The following ADGRG7 variants were observed in gnomAD, a reference collection of about 807,000 sequenced individuals.
ADGRG7 encodes the protein G-protein coupled receptor 128.
ADGRG7 carries 82 observed loss-of-function variants against 88.6 expected under a neutral mutation model. The observed-to-expected ratio is 0.93, with a 90% CI of 0.77 to 1.11. ADGRG7 has a LOEUF of 1.11. ADGRG7 is among the 50% of genes most tolerant of loss of function. The pLI, the probability that ADGRG7 is intolerant of heterozygous loss-of-function variation, is 0.00. For missense variants in ADGRG7, 945 were observed against 953.4 expected (o/e 0.99, Z 0.12); for synonymous variants, 381 against 345.2 (o/e 1.10, Z -1.15).
chr3:100,686,280 T>A (rs1418642603), intron 15 of ADGRG7, among the ~76,000 whole-genome samples: 2 of 152,222 alleles, frequency 1.3e-5, no homozygotes, highest in African/African-American at 4.8e-5. Context: ...TATTAGCCCT[T>A]TGTCAGATGA....
chr3:100,627,073 C>T (rs1436320473), intron 1 of ADGRG7, among the ~76,000 whole-genome samples: 2 of 152,042 alleles, frequency 1.3e-5, no homozygotes, highest in Non-Finnish European at 1.5e-5. Context: ...CTTTTTCCTG[C>T]GTATTGCACT....
chr3:100,646,711 T>C lies in ADGRG7; in HGVS notation c.1253T>C (p.Phe418Ser). Residue 418 changes from phenylalanine (F) to serine (S), a missense_variant, in exon 10 of 16, where the codon TTT becomes TCT. Coordinates refer to ENST00000273352, the MANE Select transcript of ADGRG7 (RefSeq NM_032787.3). ...TGCCGCTGCAACCATACTACTAATT[T>C]TGCTGTATTAATGGTAAGGATATAC... is the stretch of plus-strand genomic sequence containing the variant. ...LRCRCNHTTNFAVLMTFKKDY... is the reference protein window; with the variant it reads ...LRCRCNHTTNSAVLMTFKKDY... The C allele has an allele frequency of 6.2e-7, 1 of 1,614,068 alleles. No individual in the cohort carries two copies. Among genetic ancestry groups the C allele is most frequent in the Non-Finnish European group, 8.5e-7 (1 of 1,179,972 alleles).
chr3:100,688,555 C>T (rs2094987321), intron 15 of ADGRG7, among the ~76,000 whole-genome samples: 1 of 152,104 alleles, frequency 6.6e-6, no homozygotes, highest in African/African-American at 2.4e-5. Context: ...TGAATGTGTC[C>T]CAGAGATTCT....
At chr3:100,691,716 T>TTTTTTTTTTTTTTTTTTTTTTTGAGAC (rs1553697184) in intron 15 of ADGRG7, among the ~76,000 whole-genome samples, 33 of 149,922 alleles carry the variant, frequency 2.2e-4, no homozygotes, top group Middle Eastern at 3.2e-3. Context: ...TTTATTCTTT[T>TTTTTTTTTTTTTTTTTTTTTTTGAGAC]GTGGTGATGA....
At chr3:100,636,340 T>C (rs1707540819) in intron 5 of ADGRG7, among the ~76,000 whole-genome samples, 1 of 152,254 alleles carries the variant, frequency 6.6e-6, no homozygotes, top group Non-Finnish European at 1.5e-5. Context: ...AAGTAAATAG[T>C]GTTTCAAGAA....
chr3:100,632,191 A>G (rs1405428276), intron 3 of ADGRG7, among the ~76,000 whole-genome samples: 2 of 152,176 alleles, frequency 1.3e-5, no homozygotes, highest in East Asian at 3.8e-4. Flanking sequence ...ATGAAGAGTC[A>G]TCACACTTGT....
At chr3:100,673,088 G>A (rs1052191945) in intron 15 of ADGRG7, among the ~76,000 whole-genome samples, 2 of 152,154 alleles carry the variant, frequency 1.3e-5, no homozygotes. Flanking sequence ...ATGAGTTACG[G>A]AGAATTCTCT....
chr3:100,694,948 A>G lies in ADGRG7; in HGVS notation c.2341A>G (p.Ser781Gly). ...ERFRLLETSP[S>G]TEEITLSESD... ...CTTTAGGCTACTGGAAACCTCTCCG[A>G]GTACTGAGGAAATCACACTCTCTGA... The change falls in exon 16 of 16, where the codon AGT becomes GGT. Residue 781 changes from serine (S) to glycine (G), a missense_variant. Coordinates refer to ENST00000273352, the MANE Select transcript of ADGRG7 (RefSeq NM_032787.3). The G allele has an allele frequency of 6.2e-7, 1 of 1,614,170 alleles. No individual in the cohort carries two copies. Among genetic ancestry groups the G allele is most frequent in the Non-Finnish European group, 8.5e-7 (1 of 1,180,008 alleles).
At chr3:100,610,035 C>A in intron 1 of ADGRG7, 64 bp downstream of exon 1, 1 of 1,312,338 alleles carries the variant, frequency 7.6e-7, no homozygotes, top group South Asian at 1.2e-5. Context: ...GTCCCTGCCA[C>A]CTGGTGCACA....
At chr3:100,656,684 T>G (rs2094937964) in intron 13 of ADGRG7, among the ~76,000 whole-genome samples, 1 of 152,192 alleles carries the variant, frequency 6.6e-6, no homozygotes, top group South Asian at 2.1e-4. Context: ...TTTATAAATC[T>G]AACTATTCAT....
intron 10 of ADGRG7, among the ~76,000 whole-genome samples, chr3:100,649,073 G>A (rs2094923196): frequency 6.6e-6 from 1 of 152,106 alleles, no homozygotes; most frequent in African/African-American, 2.4e-5. Context: ...TATACTTAGA[G>A]TCCAGTTACA....
chr3:100,627,983 T>C (rs1707404231), intron 1 of ADGRG7, among the ~76,000 whole-genome samples: 1 of 152,174 alleles, frequency 6.6e-6, no homozygotes, highest in African/African-American at 2.4e-5. Context: ...TAAATCTTTT[T>C]TCTCCCTGGA....
At chr3:100,616,475 T>C (rs181364814) in intron 1 of ADGRG7, among the ~76,000 whole-genome samples, 1 of 151,722 alleles carries the variant, frequency 6.6e-6, no homozygotes, top group Non-Finnish European at 1.5e-5. Context: ...ATAGAAAATA[T>C]AGTAATGATA....
At chr3:100,615,853 T>C (rs2149011095) in intron 1 of ADGRG7, among the ~76,000 whole-genome samples, 1 of 152,322 alleles carries the variant, frequency 6.6e-6, no homozygotes, top group Admixed American at 6.5e-5. Context: ...GCATGATTTC[T>C]ATGCTGTATG....
chr3:100,668,261 T>C (rs1271257399), intron 14 of ADGRG7, among the ~76,000 whole-genome samples: 1 of 152,196 alleles, frequency 6.6e-6, no homozygotes, highest in African/African-American at 2.4e-5. Flanking sequence ...CTCACTTTCA[T>C]GTCTGGTGGT....
At chr3:100,622,264 ATTTTTTTTT>A (rs57699713) in intron 1 of ADGRG7, among the ~76,000 whole-genome samples, 12 of 130,884 alleles carry the variant, frequency 9.2e-5, no homozygotes, top group Non-Finnish European at 1.4e-4. Flanking sequence ...CTCTATATTC[ATTTTTTTTT>A]TTTTTTTTTT....
At chr3:100,627,517 G>A (rs561226567) in intron 1 of ADGRG7, among the ~76,000 whole-genome samples, 15 of 152,212 alleles carry the variant, frequency 9.9e-5, no homozygotes, top group African/African-American at 3.6e-4. Flanking sequence ...TTATTGGCCT[G>A]TAACTTTATT....
intron 6 of ADGRG7, among the ~76,000 whole-genome samples, chr3:100,641,713 A>T (rs1387565465): frequency 6.6e-6 from 1 of 152,270 alleles, no homozygotes; most frequent in East Asian, 1.9e-4. Flanking sequence ...TGGAGCAGGA[A>T]GATGACTGAG....
At chr3:100,620,644 T>C (rs919787015) in intron 1 of ADGRG7, among the ~76,000 whole-genome samples, 2 of 152,154 alleles carry the variant, frequency 1.3e-5, no homozygotes, top group African/African-American at 2.4e-5. Flanking sequence ...ATTCCTACCT[T>C]ATCAAACTGA....
Sources: gnomAD v4.1 joint callset for allele counts (sites outside exome capture counted in the v4.1 genomes callset) on GRCh38, gnomAD v4.1.1 for gene constraint, MANE v1.5 for transcripts, NCBI Gene and HGNC (gene_info 2026-07-23, HGNC 2026-07-21) for gene names.